The following MYOZ2 variants were observed in gnomAD, a reference collection of about 807,000 sequenced individuals.
MYOZ2 encodes myozenin 2, also known as myozenin-2.
A neutral mutation model predicts 25.4 loss-of-function variants in MYOZ2; 19 were observed. The observed-to-expected ratio is 0.75, with a 90% CI of 0.52 to 1.10. The LOEUF (loss-of-function observed/expected upper bound fraction) is 1.10. Among genes scored for constraint, MYOZ2 ranks in the 50% least tolerant of loss-of-function variants. The pLI, the probability that MYOZ2 is intolerant of heterozygous loss-of-function variation, is 0.00. For synonymous variants in MYOZ2, 92 were observed against 106.9 expected (o/e 0.86, Z 0.86); for missense variants, 270 against 317.9 (o/e 0.85, Z 1.15).
intron 2 of MYOZ2, 85 bp from the exon 3 acceptor site, chr4:119,150,786 TG>T: frequency 7.6e-7 from 1 of 1,316,890 alleles, no homozygotes; most frequent in Non-Finnish European, 1.1e-6. Flanking sequence ...AATTAGAAAG[TG>T]GTGGAATTTT....
chr4:119,178,140 C>T lies in MYOZ2; in HGVS notation c.561-7826C>T, dbSNP rs775925192. 2.1e-4 allele frequency among the ~76,000 whole-genome samples: 32 copies of T among 152,194 alleles called. 1 individual carries two copies. In the South Asian group the frequency reaches 3.5e-3, roughly 17 times the overall value. On this transcript the variant is annotated intron_variant, in intron 5 of 5. Coordinates refer to ENST00000307128, the MANE Select transcript of MYOZ2 (RefSeq NM_016599.5). Reference sequence around the variant, plus strand: ...CAGTATGTGAAATGGCTGATCATTCCCCCTTCCAAGAAATAATTTTGTTCC... The same window carrying T: ...CAGTATGTGAAATGGCTGATCATTCTCCCTTCCAAGAAATAATTTTGTTCC...
intron 4 of MYOZ2, 138 bp downstream of exon 4, chr4:119,158,289 C>A: frequency 4.2e-6 from 5 of 1,184,144 alleles, no homozygotes; most frequent in Non-Finnish European, 5.9e-6. Context: ...GCCCCAGGCA[C>A]GGTGGCTCCC....
At chr4:119,183,265 G>A (rs1316273764) in intron 5 of MYOZ2, among the ~76,000 whole-genome samples, 2 of 152,120 alleles carry the variant, frequency 1.3e-5, no homozygotes, top group Non-Finnish European at 2.9e-5. Flanking sequence ...GATCGCAGGG[G>A]AGGTGAAAAT....
intron 5 of MYOZ2, among the ~76,000 whole-genome samples, chr4:119,180,387 A>G (rs1742162762): frequency 6.6e-6 from 1 of 152,190 alleles, no homozygotes; most frequent in African/African-American, 2.4e-5. Context: ...TATGCATGGG[A>G]GGATGAGAAA....
At chr4:119,163,958 C>G (rs1370899633) in intron 4 of MYOZ2, among the ~76,000 whole-genome samples, 2 of 152,000 alleles carry the variant, frequency 1.3e-5, no homozygotes, top group African/African-American at 4.8e-5. Flanking sequence ...TATACTAAGA[C>G]AGTCAAGAAA....
At chr4:119,136,679 A>G (rs1741032584) in intron 2 of MYOZ2, 78 bp downstream of exon 2, 1 of 1,406,210 alleles carries the variant, frequency 7.1e-7, no homozygotes, top group African/African-American at 1.4e-5. Context: ...TTAATATTCC[A>G]TAGTTTACTT....
chr4:119,185,095 C>G (rs1742262078), intron 5 of MYOZ2, among the ~76,000 whole-genome samples: 1 of 151,860 alleles, frequency 6.6e-6, no homozygotes, highest in South Asian at 2.1e-4. Context: ...CTCTTCTCCC[C>G]TCTCCCTTCC....
At chr4:119,181,788 A>G (rs955205607) in intron 5 of MYOZ2, among the ~76,000 whole-genome samples, 4 of 152,236 alleles carry the variant, frequency 2.6e-5, no homozygotes, top group African/African-American at 9.6e-5. Context: ...ATGAACAACT[A>G]TAAGTTACAT....
At chr4:119,174,333 G>C (rs1223242270) in intron 5 of MYOZ2, among the ~76,000 whole-genome samples, 2 of 152,074 alleles carry the variant, frequency 1.3e-5, no homozygotes, top group Non-Finnish European at 2.9e-5. Flanking sequence ...TCTAGCTCAA[G>C]GTTTGTAAAC....
intron 5 of MYOZ2, among the ~76,000 whole-genome samples, chr4:119,165,535 A>G (rs1345675085): frequency 1.3e-5 from 2 of 151,976 alleles, no homozygotes; most frequent in Non-Finnish European, 2.9e-5. Flanking sequence ...AATAAAATAA[A>G]TAAAAATAAA....
At chr4:119,160,489 C>G (rs1469907847) in intron 4 of MYOZ2, among the ~76,000 whole-genome samples, 1 of 152,046 alleles carries the variant, frequency 6.6e-6, no homozygotes, top group African/African-American at 2.4e-5. Context: ...AATTAATAGA[C>G]ATAGAGAGAT....
At chr4:119,151,116 G>A in intron 3 of MYOZ2, 75 bp downstream of exon 3, 1 of 1,435,738 alleles carries the variant, frequency 7.0e-7, no homozygotes, top group Non-Finnish European at 9.7e-7. Flanking sequence ...ACTAGTTTCT[G>A]AAGGAAGTAT....
chr4:119,145,525 T>C (rs1741270610), intron 2 of MYOZ2, among the ~76,000 whole-genome samples: 1 of 132,740 alleles, frequency 7.5e-6, no homozygotes, highest in Admixed American at 7.8e-5. Flanking sequence ...TGTGTGTGTG[T>C]GTGTGTGTGT....
Position 119,136,489 on chromosome 4 carries a change from T to C in MYOZ2, c.-14-23T>C, listed in dbSNP as rs150769788. On this transcript the variant is annotated intron_variant, in intron 1 of 5. Transcript: ENST00000307128. Reference sequence around the variant, plus strand: ...AAATGAGTTCTTCACATTGCCTCAATAATGTCCCTTTGTTTTTAACAGGGA... The same window carrying C: ...AAATGAGTTCTTCACATTGCCTCAACAATGTCCCTTTGTTTTTAACAGGGA... The C allele has an allele frequency of 1.6e-4, 254 of 1,589,644 alleles. No individual in the cohort carries two copies. The East Asian group carries it at 5.1e-3, about 32-fold the overall frequency.
chr4:119,150,767 T>C (rs1182923227), intron 2 of MYOZ2, 105 bp from the exon 3 acceptor site: 11 of 1,138,778 alleles, frequency 9.7e-6, no homozygotes, highest in South Asian at 2.7e-5. Flanking sequence ...GACATACTTA[T>C]GATTATGCAA....
chr4:119,151,134 A>T, intron 3 of MYOZ2, 93 bp downstream of exon 3: 1 of 1,300,186 alleles, frequency 7.7e-7, no homozygotes, highest in Non-Finnish European at 1.1e-6. Context: ...TATTCTATAT[A>T]TTTTCTTTCA....
chr4:119,142,887 A>T (rs1741190051), intron 2 of MYOZ2, among the ~76,000 whole-genome samples: 1 of 152,214 alleles, frequency 6.6e-6, no homozygotes, highest in South Asian at 2.1e-4. Context: ...CTGATGAACC[A>T]ATATTGATAA....
At chr4:119,149,745 A>G (rs1283458783) in intron 2 of MYOZ2, among the ~76,000 whole-genome samples, 1 of 152,178 alleles carries the variant, frequency 6.6e-6, no homozygotes, top group East Asian at 1.9e-4. Flanking sequence ...GAAAAAACAC[A>G]TCTACTTCAT....
At chr4:119,175,076 TG>T (rs1200298934) in intron 5 of MYOZ2, among the ~76,000 whole-genome samples, 2 of 151,672 alleles carry the variant, frequency 1.3e-5, no homozygotes, top group African/African-American at 2.4e-5. Flanking sequence ...CTTTAAGAGC[TG>T]TAACACTCAC....
Sources: allele counts gnomAD v4.1 joint callset (sites outside exome capture counted in the v4.1 genomes callset), GRCh38; gene constraint gnomAD v4.1.1; transcripts MANE v1.5; gene names NCBI Gene and HGNC (gene_info 2026-07-23, HGNC 2026-07-21).